RABL2A: variants seen among roughly 807,000 people sequenced by gnomAD.
The protein encoded by RABL2A is RAB, member of RAS oncogene family like 2A.
RABL2A carries 17 observed loss-of-function variants against 30.7 expected under a neutral mutation model. That is an observed-to-expected ratio of 0.55 (90% confidence interval 0.38 to 0.83). RABL2A has a LOEUF of 0.83. RABL2A is among the 40% of genes least tolerant of loss of function. The probability of loss-of-function intolerance (pLI) is 0.00; values close to 1 mark genes in which losing one functional copy is unlikely to be tolerated. For synonymous variants in RABL2A, 64 were observed against 101.8 expected (o/e 0.63, Z 2.24); for missense variants, 155 against 272.6 (o/e 0.57, Z 3.04).
chr2:113,640,617 T>C (rs915454012), intron 5 of RABL2A: 20 of 432,204 alleles, frequency 4.6e-5, no homozygotes, highest in Middle Eastern at 7.7e-4. Flanking sequence ...CCTCAGGTGA[T>C]TGACCCGCCT....
At chr2:113,639,344 A>G (rs941769607) in intron 5 of RABL2A, among the ~76,000 whole-genome samples, 1 of 152,054 alleles carries the variant, frequency 6.6e-6, no homozygotes, top group Admixed American at 6.5e-5. Flanking sequence ...TAAATCAGCC[A>G]GGTGCAGTAG....
At chr2:113,632,889 G>T in intron 2 of RABL2A, 26 bp from the exon 3 acceptor site, 1 of 1,614,194 alleles carries the variant, frequency 6.2e-7, no homozygotes, top group Non-Finnish European at 8.5e-7. Context: ...GACGCCATCT[G>T]ACCACCTTGC....
At chr2:113,638,713 C>A in intron 5 of RABL2A, 1 of 292,516 alleles carries the variant, frequency 3.4e-6, no homozygotes, top group Middle Eastern at 1.7e-3. Context: ...ACTAGAAATA[C>A]AAAAATTAGC....
chr2:113,638,306 A>G (rs1683727106), intron 5 of RABL2A: 1 of 985,336 alleles, frequency 1.0e-6, no homozygotes. Flanking sequence ...ACACAGGGCG[A>G]GCCCCTAGCC....
chr2:113,640,892 A>G lies in RABL2A; in HGVS notation c.298-2A>G, dbSNP rs1452936062. 1 of 1,613,916 alleles carries G rather than the reference A, an allele frequency of 6.2e-7. No homozygotes were observed. Among genetic ancestry groups the G allele is most frequent in the Admixed American group, 1.7e-5 (1 of 60,010 alleles). Reference sequence around the variant, plus strand: ...CTATCTTTCTTCCTCTGCCCTTTGCAGGTGTTTGATATACAGAGGAAAGTC... The same window carrying G: ...CTATCTTTCTTCCTCTGCCCTTTGCGGGTGTTTGATATACAGAGGAAAGTC... On this transcript the variant is annotated splice_acceptor_variant, in intron 5 of 8. Coordinates refer to ENST00000683472, the MANE Select transcript of RABL2A (RefSeq NM_001306158.2). LOFTEE classifies it high-confidence loss of function.
At chr2:113,629,950 T>G (rs1002917626) in intron 2 of RABL2A, among the ~76,000 whole-genome samples, 4 of 152,096 alleles carry the variant, frequency 2.6e-5, no homozygotes, top group African/African-American at 9.7e-5. Flanking sequence ...AATACCCCCT[T>G]TATCCCCACT....
chr2:113,632,993 G>C (rs370581872), intron 3 of RABL2A, 49 bp downstream of exon 3: 2 of 1,613,508 alleles, frequency 1.2e-6, no homozygotes, highest in Non-Finnish European at 1.7e-6. Flanking sequence ...GTCTTCCCAC[G>C]CTCATGTATC....
intron 1 of RABL2A, among the ~76,000 whole-genome samples, 184 bp downstream of exon 1, chr2:113,627,584 A>G (rs1678556234): frequency 6.6e-6 from 1 of 152,124 alleles, no homozygotes; most frequent in African/African-American, 2.4e-5. Context: ...GTGGCCAAAA[A>G]CATTTATCGA....
In RABL2A at chr2:113,643,329, T is replaced by C. The variant is rs1685776866; in HGVS notation, c.*1200T>C. 1 of 347,106 alleles carries C rather than the reference T, an allele frequency of 2.9e-6. No homozygotes were observed. The highest frequency in any genetic ancestry group is 5.6e-6 in the Non-Finnish European group (1 of 177,030). The allele number at this position is 347,106 out of a possible 1,614,324, so 21.5% of individuals were successfully genotyped here. On this transcript the variant is annotated 3_prime_UTR_variant, in exon 9 of 9. Coordinates refer to ENST00000683472, the MANE Select transcript of RABL2A (RefSeq NM_001306158.2). ...ATAATCTCGGGCATTGTTTGCATTG[T>C]GTTTATTAATAGGGTTTTGTTTTTA... is the stretch of plus-strand genomic sequence containing the variant.
intron 5 of RABL2A, chr2:113,638,670 C>G: frequency 1.9e-6 from 1 of 514,310 alleles, no homozygotes; most frequent in Non-Finnish European, 2.5e-6. Flanking sequence ...GAGTTCGAGA[C>G]CAGCCTGACC....
At chr2:113,632,648 A>G (rs1380995977) in intron 2 of RABL2A, among the ~76,000 whole-genome samples, 4 of 152,284 alleles carry the variant, frequency 2.6e-5, no homozygotes, top group Non-Finnish European at 4.4e-5. Flanking sequence ...TTGCATGTGC[A>G]GAACTGTGCT....
At chr2:113,636,246 G>A (rs1559172867) in intron 5 of RABL2A, among the ~76,000 whole-genome samples, 1 of 152,114 alleles carries the variant, frequency 6.6e-6, no homozygotes, top group African/African-American at 2.4e-5. Flanking sequence ...AGCATTCAAG[G>A]TCTTGCTTTA....
At chr2:113,629,683 C>T (rs776085269) in intron 2 of RABL2A, among the ~76,000 whole-genome samples, 31 of 152,094 alleles carry the variant, frequency 2.0e-4, no homozygotes, top group Non-Finnish European at 3.1e-4. Flanking sequence ...TACAGGCGCC[C>T]GCCACCACAC....
At chr2:113,631,936 CT>C (rs1459398860) in intron 2 of RABL2A, among the ~76,000 whole-genome samples, 1 of 147,862 alleles carries the variant, frequency 6.8e-6, no homozygotes, top group Non-Finnish European at 1.5e-5. Flanking sequence ...GATGTGTTTT[CT>C]TTATAGTAAG....
chr2:113,629,706 A>AT (rs1175720678), intron 2 of RABL2A, among the ~76,000 whole-genome samples: 1 of 151,650 alleles, frequency 6.6e-6, no homozygotes, highest in East Asian at 1.9e-4. Context: ...AGCTAATTTT[A>AT]TTTTTGTATT....
In RABL2A at chr2:113,637,473, G is replaced by C. The variant is rs547045102; in HGVS notation, c.297+2343G>C. ...GGAAAGACACACGTGCTGCCCCCAG[G>C]AACTGACTGACTGGTAGGCACAGTA... On this transcript the variant is annotated intron_variant, in intron 5 of 8. Transcript: ENST00000683472. The C allele has an allele frequency of 1.6e-4, 176 of 1,123,932 alleles. 1 individual carries two copies. The African/African-American group carries it at 2.6e-3, about 17-fold the overall frequency. 69.6% of individuals were successfully genotyped at this position (1,123,932 alleles called of 1,614,324 possible). A position where few individuals can be genotyped will look rare whatever the true frequency, so the allele number is the denominator to read the frequency against.
intron 5 of RABL2A, chr2:113,640,645 G>A: frequency 2.1e-6 from 1 of 482,796 alleles, no homozygotes; most frequent in Non-Finnish European, 3.6e-6. Flanking sequence ...CCAAAGTGCT[G>A]GGATTACAGG....
At chr2:113,630,127 C>T (rs1294405906) in intron 2 of RABL2A, among the ~76,000 whole-genome samples, 2 of 152,112 alleles carry the variant, frequency 1.3e-5, no homozygotes, top group Admixed American at 1.3e-4. Context: ...AAATAAGAAT[C>T]CAAGTAGTTA....
chr2:113,634,098 C>T, intron 3 of RABL2A, 55 bp from the exon 4 acceptor site: 2 of 1,564,642 alleles, frequency 1.3e-6, no homozygotes, highest in South Asian at 1.2e-5. Context: ...ACCCCTGCTC[C>T]CCACTCCTTC....
Sources: allele counts gnomAD v4.1 joint callset (sites outside exome capture counted in the v4.1 genomes callset), GRCh38; gene constraint gnomAD v4.1.1; transcripts MANE v1.5; gene names NCBI Gene and HGNC (gene_info 2026-07-23, HGNC 2026-07-21).